Variants in PRTG observed in about 807,000 individuals in gnomAD.
The protein encoded by PRTG is immunoglobulin superfamily, DCC subclass, member 5.
In PRTG, 67 loss-of-function variants were observed where a neutral mutation model predicts 122.5. That is an observed-to-expected ratio of 0.55 (90% CI 0.45 to 0.67). PRTG has a LOEUF of 0.67. Among genes scored for constraint, PRTG ranks in the 30% least tolerant of loss-of-function variants. PRTG has a pLI of 0.00. For missense variants in PRTG, 1,435 were observed against 1,415.4 expected (o/e 1.01, Z -0.22); for synonymous variants, 554 against 501.1 (o/e 1.11, Z -1.41).
chr15:55,663,968 T>C (rs1331838814), intron 11 of PRTG, among the ~76,000 whole-genome samples: 1 of 152,220 alleles, frequency 6.6e-6, no homozygotes, highest in Non-Finnish European at 1.5e-5. Context: ...AGCAGCAATA[T>C]AGTTTGCTGC....
At chr15:55,658,278 T>C (rs1038983920) in intron 11 of PRTG, among the ~76,000 whole-genome samples, 8 of 152,168 alleles carry the variant, frequency 5.3e-5, no homozygotes, top group African/African-American at 1.9e-4. Flanking sequence ...GTAAACACTC[T>C]TGCAGTTAAA....
chr15:55,618,143 T>TG lies in PRTG; in HGVS notation c.*1868dup, dbSNP rs2059148921. On this transcript the variant is annotated 3_prime_UTR_variant, in exon 20 of 20. Coordinates refer to ENST00000389286, the MANE Select transcript of PRTG (RefSeq NM_173814.6). ...TGAATTCCGTACTTAGATAACTAAC[T>TG]GGGGGACTCTGAGTTTAGTTCAGAA... The TG allele has an allele frequency of 6.6e-6, 1 of 152,194 alleles. No individual in the cohort carries two copies. The highest frequency in any genetic ancestry group is 2.4e-5 in the African/African-American group (1 of 41,454). The allele number at this position is 152,194 out of a possible 1,614,324, so 9.4% of individuals were successfully genotyped here.
At chr15:55,645,158 G>A (rs539522797) in intron 11 of PRTG, among the ~76,000 whole-genome samples, 12 of 151,876 alleles carry the variant, frequency 7.9e-5, no homozygotes, top group African/African-American at 1.2e-4. Flanking sequence ...GGAAGGGGCC[G>A]GGCGCGGTGG....
At chr15:55,649,498 A>G (rs2059342101) in intron 11 of PRTG, among the ~76,000 whole-genome samples, 1 of 151,792 alleles carries the variant, frequency 6.6e-6, no homozygotes, top group African/African-American at 2.4e-5. Context: ...AAAAATATCA[A>G]TAGTAGTGGG....
intron 3 of PRTG, among the ~76,000 whole-genome samples, chr15:55,682,738 T>A (rs2059547702): frequency 6.6e-6 from 1 of 151,930 alleles, no homozygotes; most frequent in Admixed American, 6.6e-5. Context: ...GATTTCTGTA[T>A]TTTTAGTAGA....
chr15:55,621,716 T>C (rs1595598377), intron 18 of PRTG, among the ~76,000 whole-genome samples: 1 of 152,272 alleles, frequency 6.6e-6, no homozygotes, highest in South Asian at 2.1e-4. Context: ...TATTTGTTAG[T>C]GGTCAAAACA....
In PRTG at chr15:55,640,932, C is replaced by T. The variant is rs1033931039; in HGVS notation, c.2137+181G>A. The stretch of plus-strand genomic sequence containing the variant: ...ACTCGAGAGGCTGAGGCAGGAGAAT[C>T]GCTTGAACCCGGGAGGCAACAAACA... On this transcript the variant is annotated intron_variant, in intron 12 of 19. Transcript: ENST00000389286. Among the ~76,000 whole-genome samples, 3 of 151,620 alleles carry T rather than the reference C, an allele frequency of 2.0e-5. No homozygotes were observed. In the East Asian group the frequency reaches 5.8e-4, roughly 29 times the overall value.
intron 2 of PRTG, among the ~76,000 whole-genome samples, chr15:55,712,264 T>C (rs1453371522): frequency 4.6e-5 from 7 of 152,202 alleles, no homozygotes; most frequent in African/African-American, 9.6e-5. Flanking sequence ...TTGGTCAAGA[T>C]GGTGAAATGA....
chr15:55,682,253 A>T (rs2059542885), intron 4 of PRTG, 111 bp downstream of exon 4: 1 of 917,388 alleles, frequency 1.1e-6, no homozygotes, highest in Non-Finnish European at 1.5e-6. Flanking sequence ...AATAGATTAT[A>T]ATAATTTAAA....
chr15:55,713,531 A>G (rs1330160117), intron 2 of PRTG, among the ~76,000 whole-genome samples: 1 of 152,172 alleles, frequency 6.6e-6, no homozygotes, highest in Non-Finnish European at 1.5e-5. Flanking sequence ...TTGCCAAATT[A>G]CTCTCTAAAA....
chr15:55,697,506 CTTTTTCTG>C (rs2059638134), intron 2 of PRTG, among the ~76,000 whole-genome samples: 1 of 151,848 alleles, frequency 6.6e-6, no homozygotes, highest in South Asian at 2.1e-4. Flanking sequence ...AAGCAAATTT[CTTTTTCTG>C]TTTGTTTGTT....
chr15:55,622,954 CAAAA>C (rs2059175041), intron 18 of PRTG, among the ~76,000 whole-genome samples: 1 of 150,962 alleles, frequency 6.6e-6, no homozygotes, highest in African/African-American at 2.4e-5. Flanking sequence ...AGGCTGCAAA[CAAAA>C]AAAAGAGAAA....
intron 2 of PRTG, among the ~76,000 whole-genome samples, chr15:55,716,169 G>A (rs2030591639): frequency 6.6e-6 from 1 of 152,234 alleles, no homozygotes; most frequent in South Asian, 2.1e-4. Flanking sequence ...AGAGGCGGAA[G>A]TTGCAGTGAG....
chr15:55,675,718 T>C (rs2118781), intron 8 of PRTG, 35 bp from the exon 9 acceptor site: 182,561 of 1,361,992 alleles, frequency 0.13, 18,335 homozygotes, highest in African/African-American at 0.41. Context: ...AAATGACAGA[T>C]ATTCAAAATA....
rs1004741381 is a variant in PRTG at position 55,638,721 on chromosome 15, T to C, written c.2325-45A>G. 2.6e-6 allele frequency: 4 copies of C among 1,559,140 alleles called. No individual in the cohort carries two copies. In the African/African-American group the frequency reaches 5.5e-5, roughly 22 times the overall value. Reference sequence around the variant, plus strand: ...AGTTGTTAATGCTGGTAGTATAATATTGTTTGTAAAAGAATGTCAGCATTT... The same window carrying C: ...AGTTGTTAATGCTGGTAGTATAATACTGTTTGTAAAAGAATGTCAGCATTT... On this transcript the variant is annotated intron_variant, in intron 13 of 19. Coordinates refer to ENST00000389286, the MANE Select transcript of PRTG (RefSeq NM_173814.6).
chr15:55,648,787 T>C (rs1162748586), intron 11 of PRTG, among the ~76,000 whole-genome samples: 1 of 152,114 alleles, frequency 6.6e-6, no homozygotes, highest in Non-Finnish European at 1.5e-5. Flanking sequence ...CCTATAAATA[T>C]TTCATATAAA....
In PRTG at chr15:55,694,901, CCA is replaced by C. The variant is rs760681104; in HGVS notation, c.398-10972_398-10971del. On this transcript the variant is annotated intron_variant, in intron 2 of 19. Coordinates refer to ENST00000389286, the MANE Select transcript of PRTG (RefSeq NM_173814.6). Reference sequence around the variant, plus strand: ...GTGAAACCTGACCTCTCTCTTCCCTCCACAGTCAGTGTTAACGTAAACCAAGA... The same window carrying C: ...GTGAAACCTGACCTCTCTCTTCCCTCCAGTCAGTGTTAACGTAAACCAAGA... Among the ~76,000 whole-genome samples the C allele has an allele frequency of 1.2e-4, 18 of 152,310 alleles. 1 individual carries two copies. The highest frequency in any genetic ancestry group is 4.6e-4 in the Admixed American group (7 of 15,294).
intron 11 of PRTG, among the ~76,000 whole-genome samples, chr15:55,663,709 T>G (rs1181362789): frequency 6.6e-6 from 1 of 151,938 alleles, no homozygotes; most frequent in Non-Finnish European, 1.5e-5. Flanking sequence ...GTCTGGCTAA[T>G]TTTTGTATTT....
At chr15:55,641,340 C>T (rs1223799993) in intron 11 of PRTG, 132 bp from the exon 12 acceptor site, 1 of 617,136 alleles carries the variant, frequency 1.6e-6, no homozygotes, top group South Asian at 2.0e-5. Flanking sequence ...TATAAAATTA[C>T]TGCTCATTGA....
Sources: gnomAD v4.1 joint callset for allele counts (sites outside exome capture counted in the v4.1 genomes callset) on GRCh38, gnomAD v4.1.1 for gene constraint, MANE v1.5 for transcripts, NCBI Gene and HGNC (gene_info 2026-07-23, HGNC 2026-07-21) for gene names.